Variants in BANP observed in about 807,000 individuals in gnomAD.
BANP encodes BTG3 associated nuclear protein.
Under a neutral mutation model 68.1 loss-of-function variants are expected in BANP, and 11 were observed. The ratio of observed to expected loss-of-function variants is 0.16; its 90% confidence interval spans 0.10 to 0.27. The LOEUF is 0.27. Among genes scored for constraint, BANP ranks in the 10% least tolerant of loss-of-function variants. The probability of loss-of-function intolerance (pLI) is 1.00; values close to 1 mark genes in which losing one functional copy is unlikely to be tolerated. For missense variants in BANP, 504 were observed against 722.7 expected, an observed-to-expected ratio of 0.70 and a Z score of 3.47; for synonymous variants, 329 against 303.2, an observed-to-expected ratio of 1.09 and a Z score of -0.88.
chr16:88,012,597 G>A (rs1468542068), intron 6 of BANP, among the ~76,000 whole-genome samples: 1 of 152,184 alleles, frequency 6.6e-6, no homozygotes, highest in African/African-American at 2.4e-5. Context: ...GTGACTGCAG[G>A]GGACTAACGT....
chr16:87,988,588 G>A (rs1305311295), intron 4 of BANP, among the ~76,000 whole-genome samples: 1 of 152,132 alleles, frequency 6.6e-6, no homozygotes, highest in Admixed American at 6.5e-5. Flanking sequence ...TTTGAATGAA[G>A]ATTAGAAGTA....
intron 13 of BANP, among the ~76,000 whole-genome samples, chr16:88,075,962 G>A (rs970172577): frequency 6.6e-6 from 1 of 152,024 alleles, no homozygotes; most frequent in Non-Finnish European, 1.5e-5. Flanking sequence ...GCCAGCCTAG[G>A]CTTGAACTCC....
chr16:88,068,138 G>A (rs937607127), intron 12 of BANP, among the ~76,000 whole-genome samples: 8 of 152,228 alleles, frequency 5.3e-5, no homozygotes, highest in East Asian at 1.9e-4. Context: ...GGTGGAAAGC[G>A]TCGTGCACTC....
At chr16:88,067,671 G>A (rs2089084485) in intron 12 of BANP, among the ~76,000 whole-genome samples, 1 of 151,922 alleles carries the variant, frequency 6.6e-6, no homozygotes, top group Admixed American at 6.5e-5. Context: ...AGCCCCCCCT[G>A]CACCCCACGG....
intron 13 of BANP, among the ~76,000 whole-genome samples, chr16:88,075,999 G>C (rs1447080386): frequency 6.6e-6 from 1 of 152,116 alleles, no homozygotes; most frequent in African/African-American, 2.4e-5. Context: ...ACCTGCCTCA[G>C]CCTCCCAAAG....
At chr16:87,976,633 G>A (rs779802223) in intron 2 of BANP, among the ~76,000 whole-genome samples, 15 of 152,156 alleles carry the variant, frequency 9.9e-5, no homozygotes, top group Non-Finnish European at 1.0e-4. Flanking sequence ...TCCCCCAGAA[G>A]AGAGAATTTT....
Position 88,076,015 on chromosome 16 carries a change from G to C in BANP, c.1522-575G>C, listed in dbSNP as rs2091533763. Among the ~76,000 whole-genome samples the C allele has an allele frequency of 2.0e-5, 3 of 152,008 alleles. No individual in the cohort carries two copies. In the South Asian group the frequency reaches 6.2e-4, roughly 32 times the overall value. ...CCTGCCTCAGCCTCCCAAAGCCCTG[G>C]GATTATAGGCATGAGCCACTGCGCC... is the stretch of plus-strand genomic sequence containing the variant. On this transcript the variant is annotated intron_variant, in intron 13 of 13. Coordinates refer to ENST00000682872, the MANE Select transcript of BANP (RefSeq NM_001386991.1).
intron 1 of BANP, among the ~76,000 whole-genome samples, chr16:87,967,938 G>C (rs907794687): frequency 8.0e-5 from 12 of 150,562 alleles, no homozygotes; most frequent in Admixed American, 7.9e-4. Context: ...GGTATTTTTA[G>C]TAAGACAGGT....
chr16:87,967,551 G>A (rs893780652), intron 1 of BANP, among the ~76,000 whole-genome samples: 2 of 151,560 alleles, frequency 1.3e-5, no homozygotes, highest in Non-Finnish European at 2.9e-5. Context: ...TGCCTCCTGG[G>A]TGCAAGTGAT....
chr16:87,999,428 A>G (rs1598297661), intron 4 of BANP, among the ~76,000 whole-genome samples: 1 of 86,576 alleles, frequency 1.2e-5, no homozygotes, highest in African/African-American at 5.0e-5. Flanking sequence ...ACACCCAGAC[A>G]CGTCTCCATG....
intron 6 of BANP, among the ~76,000 whole-genome samples, chr16:88,009,209 C>A (rs973412857): frequency 8.9e-4 from 135 of 152,298 alleles, no homozygotes; most frequent in Non-Finnish European, 6.9e-4. Context: ...GGCCCTCTGT[C>A]CCAGAGCACC....
chr16:88,027,798 T>A, intron 8 of BANP, 148 bp downstream of exon 8: 1 of 971,628 alleles, frequency 1.0e-6, no homozygotes, highest in Non-Finnish European at 1.5e-6. Flanking sequence ...CACGGAGCAG[T>A]GGAGCCGCAG....
At chr16:88,025,620 T>C (rs1438168202) in intron 7 of BANP, among the ~76,000 whole-genome samples, 1 of 152,206 alleles carries the variant, frequency 6.6e-6, no homozygotes, top group Admixed American at 6.5e-5. Flanking sequence ...TATACAGAGA[T>C]TCTAAACGTG....
Position 88,004,455 on chromosome 16 carries a change from G to GGA in BANP, c.479+46_479+47dup, listed in dbSNP as rs1185949269. ...ACCCCACCTTTCCCTGCCACTGTGC[G>GGA]GAGTCCCATGAGAATAAGTCAACGT... is the stretch of plus-strand genomic sequence containing the variant. On this transcript the variant is annotated intron_variant, in intron 5 of 13. Transcript: ENST00000682872. This position sits in a 1 kb window ranked among gnomAD's most constrained non-coding sequence, Gnocchi z 7.0. The GGA allele has an allele frequency of 1.0e-5, 11 of 1,102,088 alleles. No individual in the cohort carries two copies. The South Asian group carries it at 1.5e-4, about 15-fold the overall frequency. 68.3% of individuals were successfully genotyped at this position (1,102,088 alleles called of 1,614,324 possible).
At chr16:87,977,821 T>C (rs1311764413) in intron 2 of BANP, among the ~76,000 whole-genome samples, 3 of 144,160 alleles carry the variant, frequency 2.1e-5, no homozygotes, top group Admixed American at 7.1e-5. Context: ...GGCCTGTCAC[T>C]GCAGTTGATT....
chr16:88,062,918 C>T (rs1032986856), intron 11 of BANP, among the ~76,000 whole-genome samples: 14 of 152,186 alleles, frequency 9.2e-5, no homozygotes, highest in Admixed American at 6.5e-4. Context: ...GATCCCAGGG[C>T]GCTCATCTTG....
At chr16:88,038,346 C>T (rs1394453163) in intron 11 of BANP, among the ~76,000 whole-genome samples, 2 of 152,104 alleles carry the variant, frequency 1.3e-5, no homozygotes, top group Non-Finnish European at 1.5e-5. Context: ...CAGAGCAGGA[C>T]TGGCTTTCCT....
At chr16:87,993,692 G>C (rs2066463781) in intron 4 of BANP, among the ~76,000 whole-genome samples, 1 of 151,812 alleles carries the variant, frequency 6.6e-6, no homozygotes, top group African/African-American at 2.4e-5. Flanking sequence ...CCGCCTCCTG[G>C]GTTCAAGCAA....
intron 8 of BANP, among the ~76,000 whole-genome samples, chr16:88,030,423 G>A (rs1182649748): frequency 1.3e-5 from 2 of 152,246 alleles, no homozygotes; most frequent in Non-Finnish European, 2.9e-5. Context: ...GTTGTTGCCA[G>A]GCTTGCCTTC....
Sources: allele counts gnomAD v4.1 joint callset (sites outside exome capture counted in the v4.1 genomes callset), GRCh38; gene constraint gnomAD v4.1.1; non-coding constraint Gnocchi (gnomAD v3.1); transcripts MANE v1.5; gene names NCBI Gene and HGNC (gene_info 2026-07-23, HGNC 2026-07-21).